The following RARB variants were observed in gnomAD, a reference collection of about 807,000 sequenced individuals.
RARB encodes retinoic acid receptor beta.
A neutral mutation model predicts 51.9 loss-of-function variants in RARB; 17 were observed. The observed-to-expected ratio is 0.33, with a 90% CI of 0.22 to 0.49. RARB has a LOEUF of 0.49. Ranked by LOEUF, RARB falls within the 20% of genes least tolerant of loss-of-function variation. The probability of loss-of-function intolerance (pLI) is 0.99; values close to 1 mark genes in which losing one functional copy is unlikely to be tolerated. For missense variants in RARB, 369 were observed against 550.8 expected (o/e 0.67, Z 3.30); for synonymous variants, 215 against 195.4 (o/e 1.10, Z -0.84).
At chr3:25,201,321 C>T (rs549006319) in intron 5 of RARB, among the ~76,000 whole-genome samples, 6 of 152,062 alleles carry the variant, frequency 3.9e-5, no homozygotes, top group South Asian at 4.2e-4. Context: ...CAGCTTAAGG[C>T]GATTTTGGGC....
At chr3:25,119,921 T>C (rs139431996) in intron 3 of RARB, among the ~76,000 whole-genome samples, 1 of 152,172 alleles carries the variant, frequency 6.6e-6, no homozygotes, top group Non-Finnish European at 1.5e-5. Flanking sequence ...AATCAGGAAG[T>C]AGAACAAGGG....
At chr3:24,991,455 AAAAAG>A (rs2125434922) in intron 2 of RARB, among the ~76,000 whole-genome samples, 1 of 146,358 alleles carries the variant, frequency 6.8e-6, no homozygotes, top group African/African-American at 2.6e-5. Flanking sequence ...AAAAAAAAAG[AAAAAG>A]AAAAAGAAAA....
chr3:24,941,524 C>T (rs116826149), intron 2 of RARB, among the ~76,000 whole-genome samples: 2,937 of 152,228 alleles, frequency 0.019, 93 homozygotes, highest in African/African-American at 0.068. Context: ...CACTTGCCAG[C>T]ATGCCCGGCT....
At chr3:24,977,773 A>G (rs981777251) in intron 2 of RARB, among the ~76,000 whole-genome samples, 21 of 152,204 alleles carry the variant, frequency 1.4e-4, no homozygotes, top group African/African-American at 5.1e-4. Context: ...TGCCCTGGCC[A>G]GGACTTCCAA....
At chr3:25,216,601 G>A (rs1701838264) in intron 5 of RARB, among the ~76,000 whole-genome samples, 1 of 151,992 alleles carries the variant, frequency 6.6e-6, no homozygotes. Flanking sequence ...GGGGTTGTGA[G>A]GGGAAGGAAC....
In RARB at chr3:25,533,273, T is replaced by C. The variant is rs144400101; in HGVS notation, c.448+31950T>C. Among the ~76,000 whole-genome samples, 284 of 152,300 alleles carry C rather than the reference T, an allele frequency of 1.9e-3. 2 individuals are homozygous for C. Among genetic ancestry groups the C allele is most frequent in the African/African-American group, 6.3e-3 (260 of 41,584 alleles). The stretch of plus-strand genomic sequence containing the variant: ...AATAAGGTATAATAAGTTCTGTAAA[T>C]GTGGTTATGTTTTGCTAGCCCTGAA... On this transcript the variant is annotated intron_variant, in intron 3 of 7. Coordinates refer to ENST00000330688, the MANE Select transcript of RARB (RefSeq NM_000965.5).
intron 2 of RARB, among the ~76,000 whole-genome samples, chr3:24,872,620 C>T (rs1702968636): frequency 6.6e-6 from 1 of 151,990 alleles, no homozygotes; most frequent in Admixed American, 6.5e-5. Flanking sequence ...GGGTGCCAGC[C>T]TCCATTAAAC....
At chr3:25,305,556 G>T (rs1156700799) in intron 5 of RARB, among the ~76,000 whole-genome samples, 2 of 152,292 alleles carry the variant, frequency 1.3e-5, no homozygotes, top group East Asian at 3.9e-4. Flanking sequence ...GTTGTCTTGA[G>T]AAAATGAATT....
intron 4 of RARB, among the ~76,000 whole-genome samples, chr3:25,148,642 T>G (rs1322159652): frequency 6.6e-6 from 1 of 152,210 alleles, no homozygotes; most frequent in Non-Finnish European, 1.5e-5. Flanking sequence ...TATTAAAGGT[T>G]CCTTACCTTT....
At chr3:25,194,311 G>A (rs1701177807) in intron 5 of RARB, among the ~76,000 whole-genome samples, 1 of 151,722 alleles carries the variant, frequency 6.6e-6, no homozygotes, top group Non-Finnish European at 1.5e-5. Flanking sequence ...GAGAACTAAT[G>A]TACTGCAGGA....
chr3:25,478,906 C>T (rs1056899962), intron 2 of RARB, among the ~76,000 whole-genome samples: 1 of 152,172 alleles, frequency 6.6e-6, no homozygotes, highest in Non-Finnish European at 1.5e-5. Flanking sequence ...CCAGTCCTTG[C>T]GTTTTCAGGG....
At chr3:25,419,842 T>C (rs1247496166) in intron 5 of RARB, among the ~76,000 whole-genome samples, 2 of 152,228 alleles carry the variant, frequency 1.3e-5, no homozygotes, top group Admixed American at 6.5e-5. Context: ...CCTTACATTT[T>C]GAAACTGTTG....
At chr3:24,896,321 G>A (rs544305676) in intron 2 of RARB, among the ~76,000 whole-genome samples, 8 of 152,168 alleles carry the variant, frequency 5.3e-5, no homozygotes, top group South Asian at 4.1e-4. Context: ...GTGCCGTGGC[G>A]TGATCTCGGC....
intron 2 of RARB, among the ~76,000 whole-genome samples, chr3:25,023,087 A>G (rs1333389301): frequency 2.6e-5 from 4 of 152,158 alleles, no homozygotes; most frequent in Non-Finnish European, 5.9e-5. Flanking sequence ...CAGCTACTCT[A>G]ATAGCCCAGA....
intron 4 of RARB, among the ~76,000 whole-genome samples, chr3:25,134,282 A>C (rs1228123203): frequency 6.6e-6 from 1 of 151,984 alleles, no homozygotes; most frequent in Non-Finnish European, 1.5e-5. Flanking sequence ...TCTTTAGTCA[A>C]AAATTCAGAA....
intron 2 of RARB, among the ~76,000 whole-genome samples, chr3:24,922,419 A>G (rs1180328759): frequency 6.6e-6 from 1 of 152,190 alleles, no homozygotes; most frequent in Non-Finnish European, 1.5e-5. Context: ...TTTTCCAGGA[A>G]TTGTGCTGAG....
At chr3:25,215,801 G>A (rs1263857833) in intron 5 of RARB, among the ~76,000 whole-genome samples, 1 of 152,152 alleles carries the variant, frequency 6.6e-6, no homozygotes, top group Non-Finnish European at 1.5e-5. Context: ...ACGAGGATCA[G>A]GACTCTTCTC....
intron 5 of RARB, among the ~76,000 whole-genome samples, chr3:25,284,745 G>C (rs1033450573): frequency 1.3e-5 from 2 of 152,188 alleles, no homozygotes; most frequent in African/African-American, 4.8e-5. Flanking sequence ...ACATGAGTTT[G>C]AACTGCGCAA....
At chr3:25,538,476 C>A (rs181631329) in intron 3 of RARB, among the ~76,000 whole-genome samples, 192 of 152,102 alleles carry the variant, frequency 1.3e-3, no homozygotes, top group Non-Finnish European at 1.8e-3. Flanking sequence ...TAATAATATT[C>A]TTCAACAGTT....
Sources: gnomAD v4.1 joint callset for allele counts (sites outside exome capture counted in the v4.1 genomes callset) on GRCh38, gnomAD v4.1.1 for gene constraint, MANE v1.5 for transcripts, NCBI Gene and HGNC (gene_info 2026-07-23, HGNC 2026-07-21) for gene names.